The following B3GNT3 variants were observed in gnomAD, a reference collection of about 807,000 sequenced individuals.
B3GNT3 encodes the protein N-acetyllactosaminide beta-1,3-N-acetylglucosaminyltransferase 3.
A neutral mutation model predicts 11.6 loss-of-function variants in B3GNT3; 7 were observed. The observed-to-expected ratio is 0.60, with a 90% CI of 0.34 to 1.13. The LOEUF is 1.13. Ranked by LOEUF, B3GNT3 falls within the 50% of genes most tolerant of loss-of-function variation. The pLI is 0.03. For missense variants in B3GNT3, 400 were observed against 507.4 expected (o/e 0.79, Z 2.03); for synonymous variants, 201 against 222.1 (o/e 0.90, Z 0.85).
At chr19:17,804,387 G>GC (rs1378197840) in intron 1 of B3GNT3, among the ~76,000 whole-genome samples, 1 of 150,040 alleles carries the variant, frequency 6.7e-6, no homozygotes, top group Non-Finnish European at 1.5e-5. Context: ...TTACAGACAC[G>GC]CACCACCACA....
Position 17,808,119 on chromosome 19 carries a change from G to A in B3GNT3, c.312G>A (p.Ala104=), listed in dbSNP as rs144986276. ...LLQDVPPSKC[A]QPVFLLLVIK... ...AGGACGTGCCCCCCTCTAAGTGCGC[G>A]CAGCCGGTCTTCCTGCTGCTGGTGA... Residue 104 remains alanine (A), a synonymous_variant, in exon 2 of 3, where the codon GCG becomes GCA. Coordinates refer to ENST00000318683, the MANE Select transcript of B3GNT3 (RefSeq NM_014256.4). 65 of 1,613,650 alleles carry A rather than the reference G, an allele frequency of 4.0e-5. No homozygotes were observed. Among genetic ancestry groups the A allele is most frequent in the Middle Eastern group, 1.6e-4 (1 of 6,084 alleles).
intron 1 of B3GNT3, among the ~76,000 whole-genome samples, chr19:17,806,026 GGT>G (rs2094172612): frequency 6.6e-6 from 1 of 152,250 alleles, no homozygotes; most frequent in South Asian, 2.1e-4. Flanking sequence ...GGAGTGCAAT[GGT>G]GTGATCATAG....
intron 1 of B3GNT3, among the ~76,000 whole-genome samples, chr19:17,806,944 GAAAAAAA>G (rs374487355): frequency 1.3e-5 from 1 of 79,392 alleles, no homozygotes; most frequent in East Asian, 3.9e-4. Context: ...TCCATCTCAA[GAAAAAAA>G]AAAAAAAAAA....
At chr19:17,809,809 G>C (rs558930357) in intron 2 of B3GNT3, among the ~76,000 whole-genome samples, 5 of 152,184 alleles carry the variant, frequency 3.3e-5, no homozygotes, top group African/African-American at 1.2e-4. Context: ...CCCATCTGCA[G>C]ATGAGGAAAT....
chr19:17,795,273 T>G (rs940409164), intron 1 of B3GNT3, 67 bp downstream of exon 1: 1 of 152,142 alleles, frequency 6.6e-6, no homozygotes, highest in African/African-American at 2.4e-5. Context: ...GTGGGGAAGT[T>G]GTGGCTCTGG....
chr19:17,797,057 TCCCA>T (rs1756050783), intron 1 of B3GNT3, among the ~76,000 whole-genome samples: 1 of 151,966 alleles, frequency 6.6e-6, no homozygotes, highest in Non-Finnish European at 1.5e-5. Context: ...GGAACTAGGC[TCCCA>T]CCCAACCTTT....
chr19:17,804,533 CTTTTTTT>C (rs67513010), intron 1 of B3GNT3, among the ~76,000 whole-genome samples: 1 of 57,016 alleles, frequency 1.8e-5, no homozygotes. Context: ...CCGTGCCCAG[CTTTTTTT>C]TTTTTTTTTT....
chr19:17,799,353 C>A (rs1349559815), intron 1 of B3GNT3, among the ~76,000 whole-genome samples: 1 of 150,510 alleles, frequency 6.6e-6, no homozygotes, highest in Non-Finnish European at 1.5e-5. Flanking sequence ...CCTGTAACCT[C>A]CACCTCCTGG....
chr19:17,808,426 A>G, intron 2 of B3GNT3, 52 bp downstream of exon 2: 1 of 1,528,142 alleles, frequency 6.5e-7, no homozygotes, highest in African/African-American at 1.4e-5. Context: ...TCTTGTCCAA[A>G]TTACCACCCA....
Position 17,811,651 on chromosome 19 carries a change from C to A in B3GNT3, c.648C>A (p.His216Gln). 6.2e-7 allele frequency: 1 copy of A among 1,614,250 alleles called. No homozygotes were observed. The highest frequency in any genetic ancestry group is 8.5e-7 in the Non-Finnish European group (1 of 1,180,050). ...VLNGDDDVFA[H>Q]TDNMVFYLQD... ...ACGGGGATGATGACGTCTTTGCACA[C>A]ACAGACAACATGGTCTTCTACCTGC... Residue 216 changes from histidine (H) to glutamine (Q), a missense_variant, in exon 3 of 3, where the codon CAC becomes CAA. By Grantham distance (24) the His-to-Gln change is conservative (BLOSUM62 0). Coordinates refer to ENST00000318683, the MANE Select transcript of B3GNT3 (RefSeq NM_014256.4). This position sits in a 1 kb window ranked among gnomAD's most constrained non-coding sequence, Gnocchi z 4.1.
chr19:17,798,287 T>C (rs36691), intron 1 of B3GNT3, among the ~76,000 whole-genome samples: 30,562 of 152,170 alleles, frequency 0.2, 3,422 homozygotes, highest in Non-Finnish European at 0.24. Flanking sequence ...CCTCGGAACC[T>C]AGACCCAGAT....
chr19:17,804,971 T>C (rs751775119), intron 1 of B3GNT3, among the ~76,000 whole-genome samples: 4 of 152,094 alleles, frequency 2.6e-5, no homozygotes, highest in Non-Finnish European at 5.9e-5. Flanking sequence ...CCCAGCCTCC[T>C]GAGTAGCTGG....
rs755188765 is a variant in B3GNT3, at chr19:17,808,345, G to A, written c.538G>A (p.Asp180Asn). ...AGACATCCTGCAGTGGGACTTCCAC[G>A]ACTCCTTCTTCAACCTCACGCTCAA... Reference protein sequence around the residue: ...HGDILQWDFHDSFFNLTLKQV... With the variant: ...HGDILQWDFHNSFFNLTLKQV... The change falls in exon 2 of 3, where the codon GAC becomes AAC. Residue 180 changes from aspartate to asparagine, a missense_variant. Asp to Asn is a conservative substitution (Grantham distance 23). Coordinates refer to ENST00000318683, the MANE Select transcript of B3GNT3 (RefSeq NM_014256.4). 1 of 1,610,608 alleles carries A rather than the reference G, an allele frequency of 6.2e-7. No homozygotes were observed.
At position 17,812,864 on chromosome 19, in the gene B3GNT3, G is replaced by A. The variant is rs1351032510; in HGVS notation, c.*742G>A. Reference sequence around the variant, plus strand: ...CTGGAATGATCTTTAATGGGCCCAAGGCCAACAGGCATATGCCTCACTACT... The same window carrying A: ...CTGGAATGATCTTTAATGGGCCCAAAGCCAACAGGCATATGCCTCACTACT... On this transcript the variant is annotated 3_prime_UTR_variant, in exon 3 of 3. Coordinates refer to ENST00000318683, the MANE Select transcript of B3GNT3 (RefSeq NM_014256.4). The A allele has an allele frequency of 6.6e-6, 1 of 152,190 alleles. No homozygotes were observed. Among genetic ancestry groups the A allele is most frequent in the Non-Finnish European group, 1.5e-5 (1 of 68,096 alleles). 9.4% of individuals were successfully genotyped at this position (152,190 alleles called of 1,614,324 possible).
At chr19:17,799,853 G>A (rs1483982741) in intron 1 of B3GNT3, among the ~76,000 whole-genome samples, 1 of 152,132 alleles carries the variant, frequency 6.6e-6, no homozygotes, top group African/African-American at 2.4e-5. Flanking sequence ...CCCTATCTGG[G>A]CCTCAGTTTC....
In B3GNT3 at chr19:17,812,340, C is replaced by G. The variant is rs925588205; in HGVS notation, c.*218C>G. 8 of 537,106 alleles carry G rather than the reference C, an allele frequency of 1.5e-5. No homozygotes were observed. The highest frequency in any genetic ancestry group is 5.7e-5 in the South Asian group (2 of 35,252). 33.3% of individuals were successfully genotyped at this position (537,106 alleles called of 1,614,324 possible). Reference sequence around the variant, plus strand: ...TCTTCCCTGGATGGCTGGAGGAACTCCAGAAAATATCCATCTTCTTTTTGT... The same window carrying G: ...TCTTCCCTGGATGGCTGGAGGAACTGCAGAAAATATCCATCTTCTTTTTGT... On this transcript the variant is annotated 3_prime_UTR_variant, in exon 3 of 3. Coordinates refer to ENST00000318683, the MANE Select transcript of B3GNT3 (RefSeq NM_014256.4).
intron 1 of B3GNT3, among the ~76,000 whole-genome samples, chr19:17,804,002 C>T (rs1309950094): frequency 6.6e-6 from 1 of 152,066 alleles, no homozygotes; most frequent in Non-Finnish European, 1.5e-5. Context: ...TCTCTTAAAA[C>T]ACAGCACACA....
rs574669254 is a variant in B3GNT3 at position 17,796,920 on chromosome 19, G to A, written c.-51+1714G>A. ...TCACTCCCCCAACCCCATGAGCCAG[G>A]GAGGATGCCTATTGTGGACCCTCTT... On this transcript the variant is annotated intron_variant, in intron 1 of 2. Transcript: ENST00000318683. Among the ~76,000 whole-genome samples the A allele has an allele frequency of 1.9e-3, 285 of 152,248 alleles. 1 individual carries two copies. The highest frequency in any genetic ancestry group is 3.0e-3 in the Non-Finnish European group (203 of 68,010).
chr19:17,802,140 C>A (rs1254012341), intron 1 of B3GNT3, among the ~76,000 whole-genome samples: 1 of 151,830 alleles, frequency 6.6e-6, no homozygotes, highest in East Asian at 1.9e-4. Context: ...GTTACCCAGG[C>A]TGGTCTTGAG....
Sources: gnomAD v4.1 joint callset for allele counts (sites outside exome capture counted in the v4.1 genomes callset) on GRCh38, gnomAD v4.1.1 for gene constraint, Gnocchi (gnomAD v3.1) non-coding constraint, MANE v1.5 for transcripts, NCBI Gene and HGNC (gene_info 2026-07-23, HGNC 2026-07-21) for gene names.